USP19: variants seen among roughly 807,000 people sequenced by gnomAD.
The protein encoded by USP19 is ubiquitin carboxyl-terminal hydrolase 19.
In USP19, 40 loss-of-function variants were observed where a neutral mutation model predicts 144.8. The ratio of observed to expected loss-of-function variants is 0.28; its 90% CI spans 0.21 to 0.36. USP19 has a LOEUF of 0.36. USP19 is among the 10% of genes least tolerant of loss of function. The probability of loss-of-function intolerance (pLI) is 1.00; values close to 1 mark genes in which losing one functional copy is unlikely to be tolerated. For missense variants in USP19, 1,518 were observed against 1,822.5 expected (o/e 0.83, Z 3.04); for synonymous variants, 701 against 709.3 (o/e 0.99, Z 0.19).
In USP19 at chr3:49,110,283, G is replaced by T. The variant is rs2042948062; in HGVS notation, c.3939C>A (p.Phe1313Leu). ...QVVTRYAYVLFYRRRNSPVER... is the reference protein window; with the variant it reads ...QVVTRYAYVLLYRRRNSPVER... ...CCACAGGAGAGTTCCGCCGGCGGTA[G>T]AAGAGTACATAGGCATAACGCGTCA... The change falls in exon 26 of 27, where the codon TTC (phenylalanine) becomes TTA (leucine). Residue 1313 changes from phenylalanine (F) to leucine (L), a missense_variant. Around this residue, in one of 5 missense-constraint regions of USP19, gnomAD observed 122 missense variants for 200.4 expected, o/e 0.61. Coordinates refer to ENST00000417901, the MANE Select transcript of USP19 (RefSeq NM_001199161.2). This position sits in a 1 kb window ranked among gnomAD's most constrained non-coding sequence, Gnocchi z 6.1. 6.2e-7 allele frequency: 1 copy of T among 1,607,908 alleles called. No individual in the cohort carries two copies. The highest frequency in any genetic ancestry group is 1.7e-5 in the Admixed American group (1 of 59,542).
chr3:49,115,434 C>T lies in USP19; in HGVS notation c.1888+10G>A, dbSNP rs371845290. On this transcript the variant is annotated intron_variant, in intron 12 of 26. Coordinates refer to ENST00000417901, the MANE Select transcript of USP19 (RefSeq NM_001199161.2). This position sits in a 1 kb window ranked among gnomAD's most constrained non-coding sequence, Gnocchi z 6.6. Reference sequence around the variant, plus strand: ...CTGCCCATAACCCAGGCTCCAGGCCCTGCCCTCACCATGGAAGAAGTCCCG... The same window carrying T: ...CTGCCCATAACCCAGGCTCCAGGCCTTGCCCTCACCATGGAAGAAGTCCCG... The T allele has an allele frequency of 1.6e-5, 26 of 1,613,902 alleles. No individual in the cohort carries two copies. In the Middle Eastern group the frequency reaches 6.6e-4, roughly 41 times the overall value.
chr3:49,113,888 C>T, intron 17 of USP19, 104 bp downstream of exon 17: 4 of 1,266,970 alleles, frequency 3.2e-6, no homozygotes, highest in Non-Finnish European at 4.5e-6. Context: ...GCCACTGTGC[C>T]CAGCCCATGT....
Position 49,111,404 on chromosome 3 carries a change from C to G in USP19, c.3218-39G>C, listed in dbSNP as rs779359369. 26 of 1,613,134 alleles carry G rather than the reference C, an allele frequency of 1.6e-5. No individual in the cohort carries two copies. The highest frequency in any genetic ancestry group is 2.2e-5 in the Non-Finnish European group (26 of 1,179,238). ...TGATAATCAAAGCTTCCCTGCCCAT[C>G]AGGGCCTCACCAGGCCCACCAGGCC... On this transcript the variant is annotated intron_variant, in intron 21 of 26. Transcript: ENST00000417901. This position sits in a 1 kb window ranked among gnomAD's most constrained non-coding sequence, Gnocchi z 5.9.
chr3:49,119,065 C>T lies in USP19; in HGVS notation c.81G>A (p.Lys27=). The change falls in exon 2 of 27, where the codon AAG becomes AAA. Residue 27 remains lysine (K), a synonymous_variant. Transcript: ENST00000417901. ...CCTTGCTCTCCTGGTTTGCTCGATC[C>T]TTCTGCTTCTTCTTACTAGTGGTGT... ...LEDTTSKKKQ[K]DRANQESKDG... The T allele has an allele frequency of 6.2e-7, 1 of 1,614,192 alleles. No individual in the cohort carries two copies. Among genetic ancestry groups the T allele is most frequent in the Non-Finnish European group, 8.5e-7 (1 of 1,180,030 alleles).
At chr3:49,109,409 C>T (rs934318648) in intron 26 of USP19, among the ~76,000 whole-genome samples, 2 of 152,084 alleles carry the variant, frequency 1.3e-5, no homozygotes, top group African/African-American at 4.8e-5. Flanking sequence ...CTAAACAGCT[C>T]TCAATCCACA....
chr3:49,108,558 G>C lies in USP19; in HGVS notation c.4039-30C>G. ...AACAGAATACGAGGACAGGGGTTGG[G>C]GGCTGCCCAGCATGCCGCCTGGCAT... On this transcript the variant is annotated intron_variant, in intron 26 of 26. Transcript: ENST00000417901. This position sits in a 1 kb window ranked among gnomAD's most constrained non-coding sequence, Gnocchi z 4.8. 8.0e-7 allele frequency: 1 copy of C among 1,242,428 alleles called. No homozygotes were observed. The allele number at this position is 1,242,428 out of a possible 1,614,324, so 77.0% of individuals were successfully genotyped here. A position where few individuals can be genotyped will look rare whatever the true frequency, so the allele number is the denominator to read the frequency against.
At chr3:49,109,675 G>A (rs2042845249) in intron 26 of USP19, among the ~76,000 whole-genome samples, 1 of 152,182 alleles carries the variant, frequency 6.6e-6, no homozygotes, top group South Asian at 2.1e-4. Context: ...CCACTAACTG[G>A]GCCTATGGCA....
chr3:49,108,731 G>A lies in USP19; in HGVS notation c.4039-203C>T. The A allele has an allele frequency of 7.3e-7, 1 of 1,368,274 alleles. No individual in the cohort carries two copies. The highest frequency in any genetic ancestry group is 1.9e-5 in the South Asian group (1 of 53,226). 84.8% of individuals were successfully genotyped at this position (1,368,274 alleles called of 1,614,324 possible). On this transcript the variant is annotated intron_variant, in intron 26 of 26. Transcript: ENST00000417901. This position sits in a 1 kb window ranked among gnomAD's most constrained non-coding sequence, Gnocchi z 4.8. ...TTAAGTACAGGAAGTAGCTTGGGCAGGGCCAAGCCTGAGGCCAAGGGTCAG... is the reference window on the plus strand; with the variant it reads ...TTAAGTACAGGAAGTAGCTTGGGCAAGGCCAAGCCTGAGGCCAAGGGTCAG...
chr3:49,112,752 CA>C lies in USP19; in HGVS notation c.2506-124del. On this transcript the variant is annotated intron_variant, in intron 17 of 26. Transcript: ENST00000417901. The surrounding 1 kb of genome is among the most constrained non-coding windows in gnomAD (Gnocchi z 4.9). ...TGGGCAGTGGTGAGGTCTGTAGGCCCAAATAGGCTTATGCCTCTGCTGGCAC... is the reference window on the plus strand; with the variant it reads ...TGGGCAGTGGTGAGGTCTGTAGGCCCAATAGGCTTATGCCTCTGCTGGCAC... The C allele has an allele frequency of 7.4e-7, 1 of 1,352,338 alleles. No homozygotes were observed. 83.8% of individuals were successfully genotyped at this position (1,352,338 alleles called of 1,614,324 possible).
At position 49,117,394 on chromosome 3, in the gene USP19, C is replaced by T; in HGVS notation, c.607-33G>A. ...AGATACAGCAGTCAGGCCCTGTCGACTACACTGGTATCCCTACCCAACCCT... is the reference window on the plus strand; with the variant it reads ...AGATACAGCAGTCAGGCCCTGTCGATTACACTGGTATCCCTACCCAACCCT... On this transcript the variant is annotated intron_variant, in intron 5 of 26. Transcript: ENST00000417901. The surrounding 1 kb of genome is among the most constrained non-coding windows in gnomAD (Gnocchi z 4.4). 6.2e-7 allele frequency: 1 copy of T among 1,609,478 alleles called. No individual in the cohort carries two copies. The highest frequency in any genetic ancestry group is 8.5e-7 in the Non-Finnish European group (1 of 1,176,384).
In USP19 at chr3:49,116,543, T is replaced by C. The variant is rs61734389; in HGVS notation, c.1191A>G (p.Ser397=). The C allele has an allele frequency of 1.2e-6, 2 of 1,614,216 alleles. No homozygotes were observed. Among genetic ancestry groups the C allele is most frequent in the African/African-American group, 1.3e-5 (1 of 75,054 alleles). Residue 397 remains serine, a synonymous_variant, in exon 8 of 27, where the codon TCA becomes TCG. Transcript: ENST00000417901. This position sits in a 1 kb window ranked among gnomAD's most constrained non-coding sequence, Gnocchi z 5.0. The part of the protein sequence containing the change: ...KNDSYEKGPD[S]VVVHVYVKEI... ...CCTTCACGTACACGTGCACCACCAC[T>C]GAATCCGGGCCCTTCTCATACGAGT...
chr3:49,111,252 C>A lies in USP19; in HGVS notation c.3328+3G>T, dbSNP rs1162413626. On this transcript the variant is annotated splice_donor_region_variant and intron_variant, in intron 22 of 26. Transcript: ENST00000417901. This position sits in a 1 kb window ranked among gnomAD's most constrained non-coding sequence, Gnocchi z 5.9. The stretch of plus-strand genomic sequence containing the variant: ...CATGGCTCCCACCCACAGCCTCAGA[C>A]ACCTTTGTCCTCTAGCCGCTGCTCT... 6.2e-7 allele frequency: 1 copy of A among 1,614,068 alleles called. No homozygotes were observed. Among genetic ancestry groups the A allele is most frequent in the African/African-American group, 1.3e-5 (1 of 74,924 alleles).
Position 49,120,773 on chromosome 3 carries a change from G to A in USP19, c.-154C>T, listed in dbSNP as rs996023985. ...CCACTCACCGAGCGAGACCGCCGCA[G>A]CCAGCCCTCTTCGGGCCCTGGCAAC... On this transcript the variant is annotated 5_prime_UTR_variant, in exon 1 of 27. Transcript: ENST00000417901. 5 of 240,862 alleles carry A rather than the reference G, an allele frequency of 2.1e-5. No individual in the cohort carries two copies. The highest frequency in any genetic ancestry group is 4.6e-5 in the South Asian group (1 of 21,522). 14.9% of individuals were successfully genotyped at this position (240,862 alleles called of 1,614,324 possible). A position where few individuals can be genotyped will look rare whatever the true frequency, so the allele number is the denominator to read the frequency against.
Position 49,112,393 on chromosome 3 carries a change from C to G in USP19, c.2656G>C (p.Val886Leu). ...VVLEVQQRPQ[V>L]PSVPISKCAA... ...CACTTGGAGATGGGGACGCTGGGCA[C>G]CTGGGGGCGCTAGGGTGGGTCGTCT... is the stretch of plus-strand genomic sequence containing the variant. The change falls in exon 19 of 27, where the codon GTG becomes CTG. Residue 886 changes from valine (V) to leucine (L), a missense_variant. Val to Leu is a conservative substitution (Grantham distance 32). Around this residue, in one of 5 missense-constraint regions of USP19, gnomAD observed 413 missense variants for 515.8 expected, o/e 0.80. Transcript: ENST00000417901. The surrounding 1 kb of genome is among the most constrained non-coding windows in gnomAD (Gnocchi z 4.9). The G allele has an allele frequency of 6.2e-7, 1 of 1,613,944 alleles. No individual in the cohort carries two copies. The highest frequency in any genetic ancestry group is 8.5e-7 in the Non-Finnish European group (1 of 1,179,956).
In USP19 at chr3:49,108,830, C is replaced by T; in HGVS notation, c.4039-302G>A. 6.9e-7 allele frequency: 1 copy of T among 1,448,254 alleles called. No individual in the cohort carries two copies. Among genetic ancestry groups the T allele is most frequent in the Non-Finnish European group, 9.1e-7 (1 of 1,099,398 alleles). The allele number at this position is 1,448,254 out of a possible 1,614,324, so 89.7% of individuals were successfully genotyped here. ...TACTCTGCCCCTGCAGGGGCCACAA[C>T]CTCCCCACCCTCTCCCACCAGATGC... is the stretch of plus-strand genomic sequence containing the variant. On this transcript the variant is annotated intron_variant, in intron 26 of 26. Coordinates refer to ENST00000417901, the MANE Select transcript of USP19 (RefSeq NM_001199161.2). This position sits in a 1 kb window ranked among gnomAD's most constrained non-coding sequence, Gnocchi z 4.8.
At position 49,112,106 on chromosome 3, in the gene USP19, C is replaced by A. The variant is rs1170067864; in HGVS notation, c.2766-58G>T. On this transcript the variant is annotated intron_variant, in intron 19 of 26. Transcript: ENST00000417901. The surrounding 1 kb of genome is among the most constrained non-coding windows in gnomAD (Gnocchi z 4.9). ...TAGCCCCATCTCCTATGACTCCATA[C>A]TGGGGGCTAGTCATAGTCCCTGGGA... 1.9e-6 allele frequency: 3 copies of A among 1,595,788 alleles called. No individual in the cohort carries two copies. Among genetic ancestry groups the A allele is most frequent in the African/African-American group, 1.3e-5 (1 of 74,572 alleles).
chr3:49,112,898 T>C lies in USP19; in HGVS notation c.2506-269A>G, dbSNP rs764322337. 1.6e-4 allele frequency among the ~76,000 whole-genome samples: 24 copies of C among 152,168 alleles called. No individual in the cohort carries two copies. Among genetic ancestry groups the C allele is most frequent in the Admixed American group, 5.2e-4 (8 of 15,284 alleles). The stretch of plus-strand genomic sequence containing the variant: ...CTGAGGGACTCTGCCCTGCTATAAC[T>C]AGCATAGCCTTATAAGACTGTAACA... On this transcript the variant is annotated intron_variant, in intron 17 of 26. Transcript: ENST00000417901. This position sits in a 1 kb window ranked among gnomAD's most constrained non-coding sequence, Gnocchi z 4.9.
rs756339881 is a variant in USP19 at position 49,117,643 on chromosome 3, G to GC, written c.472+13dup. ...ATTCAAACATACTACTGTGCTCAGG[G>GC]CAGATGGACACACCTGCAAACCGCA... is the stretch of plus-strand genomic sequence containing the variant. On this transcript the variant is annotated intron_variant, in intron 4 of 26. Coordinates refer to ENST00000417901, the MANE Select transcript of USP19 (RefSeq NM_001199161.2). This position sits in a 1 kb window ranked among gnomAD's most constrained non-coding sequence, Gnocchi z 4.4. 5 of 1,614,108 alleles carry GC rather than the reference G, an allele frequency of 3.1e-6. No individual in the cohort carries two copies. Among genetic ancestry groups the GC allele is most frequent in the Non-Finnish European group, 4.2e-6 (5 of 1,180,024 alleles).
chr3:49,120,549 G>C (rs1043985616), intron 1 of USP19: 37 of 152,508 alleles, frequency 2.4e-4, no homozygotes, highest in African/African-American at 8.7e-4. Flanking sequence ...CCACGAAGTT[G>C]CCCTCGCTGG....
Sources: gnomAD v4.1 joint callset for allele counts (sites outside exome capture counted in the v4.1 genomes callset) on GRCh38, gnomAD v4.1.1 for gene constraint, gnomAD v4.1.1 regional missense constraint, Gnocchi (gnomAD v3.1) non-coding constraint, MANE v1.5 for transcripts, NCBI Gene and HGNC (gene_info 2026-07-23, HGNC 2026-07-21) for gene names.